The following CNTN6 variants were observed in gnomAD, a reference collection of about 807,000 sequenced individuals.
CNTN6 encodes contactin 6.
CNTN6 carries 137 observed loss-of-function variants against 122.8 expected under a neutral mutation model. The ratio of observed to expected loss-of-function variants is 1.12; its 90% CI spans 0.97 to 1.29. CNTN6 has a LOEUF of 1.29. CNTN6 is among the 50% of genes most tolerant of loss of function. The pLI is 0.00. For synonymous variants in CNTN6, 570 were observed against 426.0 expected, an observed-to-expected ratio of 1.34 and a Z score of -4.16; for missense variants, 1,634 against 1,223.4, an observed-to-expected ratio of 1.34 and a Z score of -5.01.
intron 1 of CNTN6, among the ~76,000 whole-genome samples, chr3:1,138,162 C>T (rs755481714): frequency 2.6e-5 from 4 of 152,166 alleles, no homozygotes; most frequent in South Asian, 4.1e-4. Context: ...CCGTGATGCT[C>T]GGAAGAGAAC....
rs560623777 is a variant in CNTN6 at position 1,288,303 on chromosome 3, C to T, written c.455-7298C>T. Among the ~76,000 whole-genome samples the T allele has an allele frequency of 9.1e-5, 13 of 142,552 alleles. No homozygotes were observed. In the South Asian group the frequency reaches 2.8e-3, roughly 31 times the overall value. 93.5% of individuals were successfully genotyped at this position (142,552 alleles called of 152,430 possible). On this transcript the variant is annotated intron_variant, in intron 5 of 22. Transcript: ENST00000446702. ...AGGTGATCAAGCAGTAATTGTGGAA[C>T]GAATGGGAATTCAAATAGGAGTGGA... is the stretch of plus-strand genomic sequence containing the variant.
intron 1 of CNTN6, among the ~76,000 whole-genome samples, chr3:1,128,929 C>G (rs1418001689): frequency 2.0e-5 from 3 of 151,838 alleles, no homozygotes; most frequent in African/African-American, 7.3e-5. Flanking sequence ...TTTTTTATTT[C>G]TTATCTTCTC....
chr3:1,239,417 C>T (rs62229424), intron 4 of CNTN6, among the ~76,000 whole-genome samples: 1 of 146,094 alleles, frequency 6.8e-6, no homozygotes, highest in Non-Finnish European at 1.5e-5. Flanking sequence ...ACCCCTTTCA[C>T]AATATCTGCA....
intron 2 of CNTN6, among the ~76,000 whole-genome samples, chr3:1,206,921 T>C (rs1189545612): frequency 2.0e-5 from 3 of 152,140 alleles, no homozygotes; most frequent in Admixed American, 1.3e-4. Flanking sequence ...CTCAGTCCCT[T>C]TACTGGTTCC....
intron 1 of CNTN6, among the ~76,000 whole-genome samples, chr3:1,111,958 G>C (rs2091500966): frequency 6.6e-6 from 1 of 152,034 alleles, no homozygotes; most frequent in South Asian, 2.1e-4. Flanking sequence ...TAAGTCACTT[G>C]AATATAACTT....
chr3:1,101,065 C>T (rs967913778), intron 1 of CNTN6, among the ~76,000 whole-genome samples: 1 of 152,100 alleles, frequency 6.6e-6, no homozygotes, highest in East Asian at 1.9e-4. Context: ...ATTGATTCTA[C>T]AGTGGCTCTA....
intron 1 of CNTN6, among the ~76,000 whole-genome samples, chr3:1,108,454 T>A (rs1400618313): frequency 6.6e-6 from 1 of 152,072 alleles, no homozygotes; most frequent in African/African-American, 2.4e-5. Flanking sequence ...GACTGTGATG[T>A]GTCACATGAG....
At chr3:1,182,518 A>G (rs114350939) in intron 2 of CNTN6, among the ~76,000 whole-genome samples, 1,622 of 152,244 alleles carry the variant, frequency 0.011, 38 homozygotes, top group African/African-American at 0.037. Context: ...TATAGTGAGT[A>G]TTCTCTTGGT....
At chr3:1,281,305 A>C (rs908387127) in intron 5 of CNTN6, among the ~76,000 whole-genome samples, 2 of 152,148 alleles carry the variant, frequency 1.3e-5, no homozygotes, top group African/African-American at 4.8e-5. Flanking sequence ...AACGTCCTAG[A>C]AATATATTCA....
chr3:1,160,806 G>A (rs1019041068), intron 2 of CNTN6, among the ~76,000 whole-genome samples: 16 of 152,174 alleles, frequency 1.1e-4, no homozygotes, highest in African/African-American at 3.6e-4. Flanking sequence ...GTGTGCTGGA[G>A]CTGACTCGTA....
Position 1,327,451 on chromosome 3 carries a change from T to G in CNTN6, c.1084-6T>G, listed in dbSNP as rs765284998. 1 of 1,609,406 alleles carries G rather than the reference T, an allele frequency of 6.2e-7. No homozygotes were observed. The highest frequency in any genetic ancestry group is 1.3e-5 in the African/African-American group (1 of 74,760). ...AAGCATCTTTATATGCCTTTTCCTT[T>G]ATTAGGAGAGAATTCAAATAGAAAA... is the stretch of plus-strand genomic sequence containing the variant. On this transcript the variant is annotated splice_polypyrimidine_tract_variant and splice_region_variant and intron_variant, in intron 9 of 22. Coordinates refer to ENST00000446702, the MANE Select transcript of CNTN6 (RefSeq NM_001289080.2).
chr3:1,394,458 G>C (rs1444692095), intron 20 of CNTN6: 1 of 158,026 alleles, frequency 6.3e-6, no homozygotes, highest in African/African-American at 2.4e-5. Flanking sequence ...CGAGCTGGGT[G>C]ACGGGTTGAC....
chr3:1,120,396 T>G (rs774584041), intron 1 of CNTN6, among the ~76,000 whole-genome samples: 23 of 151,956 alleles, frequency 1.5e-4, no homozygotes, highest in Non-Finnish European at 3.1e-4. Flanking sequence ...TAGTCATTAT[T>G]CTGGGTATGA....
At chr3:1,165,532 A>G (rs1211607737) in intron 2 of CNTN6, among the ~76,000 whole-genome samples, 1 of 151,906 alleles carries the variant, frequency 6.6e-6, no homozygotes, top group Non-Finnish European at 1.5e-5. Flanking sequence ...TTCTTCTATA[A>G]AGACACTTTG....
At chr3:1,390,456 C>G (rs910475405) in intron 20 of CNTN6, among the ~76,000 whole-genome samples, 9 of 151,158 alleles carry the variant, frequency 6.0e-5, no homozygotes, top group African/African-American at 2.2e-4. Flanking sequence ...CAAGAGAAAG[C>G]AGGAAAGATC....
chr3:1,320,104 C>A (rs1234123676), intron 7 of CNTN6, among the ~76,000 whole-genome samples: 1 of 151,426 alleles, frequency 6.6e-6, no homozygotes, highest in Non-Finnish European at 1.5e-5. Context: ...ATGAATATAC[C>A]AATTTACTGA....
intron 4 of CNTN6, among the ~76,000 whole-genome samples, chr3:1,275,540 C>T (rs917947454): frequency 5.3e-5 from 8 of 152,256 alleles, no homozygotes; most frequent in South Asian, 2.1e-4. Flanking sequence ...CCAATTTGCT[C>T]GTGCCAAAAG....
At chr3:1,223,176 G>C (rs542607183) in intron 3 of CNTN6, among the ~76,000 whole-genome samples, 1 of 152,070 alleles carries the variant, frequency 6.6e-6, no homozygotes, top group African/African-American at 2.4e-5. Context: ...AGATTCTAAC[G>C]TTATTTGAGG....
chr3:1,241,539 A>G (rs1054305480), intron 4 of CNTN6, among the ~76,000 whole-genome samples: 18 of 152,192 alleles, frequency 1.2e-4, no homozygotes, highest in Non-Finnish European at 2.1e-4. Context: ...CAAGGTCCGA[A>G]TTAAAAGGAG....
Sources: gnomAD v4.1 joint callset for allele counts (sites outside exome capture counted in the v4.1 genomes callset) on GRCh38, gnomAD v4.1.1 for gene constraint, MANE v1.5 for transcripts, NCBI Gene and HGNC (gene_info 2026-07-23, HGNC 2026-07-21) for gene names.